The following C3orf20 variants were observed in gnomAD, a reference collection of about 807,000 sequenced individuals.
The protein encoded by C3orf20 is family with sequence similarity 149 member C.
Under a neutral mutation model 88.3 loss-of-function variants are expected in C3orf20, and 76 were observed. That is an observed-to-expected ratio of 0.86 (90% CI 0.72 to 1.04). The LOEUF (loss-of-function observed/expected upper bound fraction) is 1.04, where lower values mean the gene tolerates loss of function less well. Among genes scored for constraint, C3orf20 ranks in the 50% least tolerant of loss-of-function variants. The pLI is 0.00. For missense variants in C3orf20, 1,056 were observed against 1,123.3 expected, an observed-to-expected ratio of 0.94 and a Z score of 0.86; for synonymous variants, 436 against 437.4, an observed-to-expected ratio of 1.00 and a Z score of 0.04.
intron 15 of C3orf20, chr3:14,767,523 G>A (rs1467651601): frequency 6.6e-6 from 1 of 152,178 alleles, no homozygotes; most frequent in Non-Finnish European, 1.5e-5. Flanking sequence ...ATTCTCAGAG[G>A]AGTGAGTTGA....
At chr3:14,749,290 G>T (rs1302013670) in intron 12 of C3orf20, among the ~76,000 whole-genome samples, 1 of 151,688 alleles carries the variant, frequency 6.6e-6, no homozygotes, top group Non-Finnish European at 1.5e-5. Context: ...TTTCCTTTAG[G>T]TTATTATTTG....
At chr3:14,720,167 C>A (rs1032651771) in intron 9 of C3orf20, among the ~76,000 whole-genome samples, 4 of 152,056 alleles carry the variant, frequency 2.6e-5, no homozygotes, top group African/African-American at 7.2e-5. Flanking sequence ...GTAGCTGGGA[C>A]TACAGGTGTC....
At chr3:14,716,859 G>A (rs2033961743) in intron 9 of C3orf20, among the ~76,000 whole-genome samples, 1 of 152,196 alleles carries the variant, frequency 6.6e-6, no homozygotes, top group South Asian at 2.1e-4. Flanking sequence ...GACTCAGTTG[G>A]TATGTTAGGA....
In C3orf20 at chr3:14,704,456, C is replaced by T. The variant is rs778553841; in HGVS notation, c.998C>T (p.Pro333Leu). The T allele has an allele frequency of 1.4e-5, 23 of 1,614,032 alleles. No homozygotes were observed. Among genetic ancestry groups the T allele is most frequent in the East Asian group, 6.7e-5 (3 of 44,894 alleles). The change falls in exon 7 of 17, where the codon CCG becomes CTG. Residue 333 changes from proline to leucine, a missense_variant. Coordinates refer to ENST00000253697, the MANE Select transcript of C3orf20 (RefSeq NM_032137.5). ...MLARKGDSQT[P>L]GLHYPPTAGA... ...GCCCGCAAAGGAGACTCTCAGACCC[C>T]GGGTTTACATTACCCTCCCACTGCA...
At chr3:14,730,634 A>G (rs1249310990) in intron 12 of C3orf20, among the ~76,000 whole-genome samples, 5 of 152,230 alleles carry the variant, frequency 3.3e-5, no homozygotes, top group Non-Finnish European at 7.3e-5. Context: ...TTTAGGTAGT[A>G]GCAAACTGTG....
At position 14,757,617 on chromosome 3, in the gene C3orf20, G is replaced by A. The variant is rs2035416533; in HGVS notation, c.2187G>A (p.Trp729Ter). 2 of 1,613,826 alleles carry A rather than the reference G, an allele frequency of 1.2e-6. No individual in the cohort carries two copies. The highest frequency in any genetic ancestry group is 1.1e-5 in the South Asian group (1 of 91,074). The part of the protein sequence containing the change: ...QNYTSTGQLQ[W>*]LLNTLYNHQQ... The stretch of plus-strand genomic sequence containing the variant: ...ACACCAGCACTGGGCAGCTCCAGTG[G>A]CTGCTGAACACTCTCTACAACCACC... The change falls in exon 13 of 17, where the codon TGG becomes TGA. Residue 729 changes from tryptophan to a stop codon, truncating the protein, a stop_gained. Transcript: ENST00000253697. LOFTEE classifies it high-confidence loss of function.
At chr3:14,682,054 A>G (rs1262159089) in intron 1 of C3orf20, 116 bp from the exon 2 acceptor site, 1 of 152,190 alleles carries the variant, frequency 6.6e-6, no homozygotes, top group Non-Finnish European at 1.5e-5. Context: ...TTTTTTTCTT[A>G]TAAGATGGTG....
At chr3:14,771,171 G>A (rs906841424) in intron 15 of C3orf20, among the ~76,000 whole-genome samples, 1 of 152,216 alleles carries the variant, frequency 6.6e-6, no homozygotes, top group African/African-American at 2.4e-5. Flanking sequence ...CCCTTTCCCT[G>A]TGTGAAGTTA....
intron 15 of C3orf20, among the ~76,000 whole-genome samples, chr3:14,771,589 T>C (rs370166365): frequency 8.5e-5 from 13 of 152,364 alleles, no homozygotes; most frequent in African/African-American, 1.4e-4. Context: ...TATGTTGGAT[T>C]GGACCCACCC....
chr3:14,719,550 C>T lies in C3orf20; in HGVS notation c.1435-2103C>T, dbSNP rs1030795607. Among the ~76,000 whole-genome samples, 6 of 152,236 alleles carry T rather than the reference C, an allele frequency of 3.9e-5. No individual in the cohort carries two copies. In the East Asian group the frequency reaches 1.2e-3, roughly 29 times the overall value. ...TAGACATGTTTATTTGGTTCAGTGG[C>T]CATATCTCTCTGGGCTACTGTGACA... is the stretch of plus-strand genomic sequence containing the variant. On this transcript the variant is annotated intron_variant, in intron 9 of 16. Coordinates refer to ENST00000253697, the MANE Select transcript of C3orf20 (RefSeq NM_032137.5).
intron 12 of C3orf20, among the ~76,000 whole-genome samples, chr3:14,750,007 C>A (rs3038829): frequency 2.1e-5 from 3 of 142,620 alleles, no homozygotes; most frequent in South Asian, 2.3e-4. Context: ...AAAAAAAAAA[C>A]AAAAAAGTTA....
intron 11 of C3orf20, among the ~76,000 whole-genome samples, chr3:14,728,179 G>A (rs1298544299): frequency 6.6e-6 from 1 of 152,208 alleles, no homozygotes; most frequent in Non-Finnish European, 1.5e-5. Context: ...GAATGGAACA[G>A]GCCCTAGGTG....
chr3:14,711,424 T>C (rs573768139), intron 7 of C3orf20, among the ~76,000 whole-genome samples: 6 of 152,266 alleles, frequency 3.9e-5, no homozygotes, highest in Admixed American at 1.3e-4. Flanking sequence ...TCCTTCTTTG[T>C]CACTTGTAAA....
chr3:14,721,261 T>G (rs1310791584), intron 9 of C3orf20, among the ~76,000 whole-genome samples: 5 of 152,160 alleles, frequency 3.3e-5, no homozygotes, highest in Non-Finnish European at 7.3e-5. Flanking sequence ...AGAGTCATAG[T>G]CAGACCTTGT....
chr3:14,712,293 C>T (rs531733208), intron 7 of C3orf20, among the ~76,000 whole-genome samples: 1 of 152,146 alleles, frequency 6.6e-6, no homozygotes, highest in South Asian at 2.1e-4. Context: ...AGATTTCTGG[C>T]AACCACCAGA....
Position 14,704,271 on chromosome 3 carries a change from G to A in C3orf20, c.879-66G>A, listed in dbSNP as rs546912466. 3.0e-5 allele frequency: 47 copies of A among 1,547,704 alleles called. 1 individual carries two copies. The South Asian group carries it at 4.5e-4, about 15-fold the overall frequency. ...GGGTCTTGGGCACTAAGGAGGGGCTGTAGAGAGCATCCCTGGTGCTTGAGA... is the reference window on the plus strand; with the variant it reads ...GGGTCTTGGGCACTAAGGAGGGGCTATAGAGAGCATCCCTGGTGCTTGAGA... On this transcript the variant is annotated intron_variant, in intron 6 of 16. Transcript: ENST00000253697.
intron 12 of C3orf20, among the ~76,000 whole-genome samples, chr3:14,729,501 A>C (rs1262992656): frequency 6.6e-6 from 1 of 152,100 alleles, no homozygotes; most frequent in African/African-American, 2.4e-5. Flanking sequence ...TGTAGCCTTG[A>C]TAGTGTTATG....
At chr3:14,717,972 C>T (rs1354657931) in intron 9 of C3orf20, among the ~76,000 whole-genome samples, 1 of 152,044 alleles carries the variant, frequency 6.6e-6, no homozygotes, top group East Asian at 1.9e-4. Context: ...AAGATTTTCT[C>T]TTTTCTTTGG....
chr3:14,697,142 C>G (rs1445538921), intron 5 of C3orf20, among the ~76,000 whole-genome samples: 1 of 152,044 alleles, frequency 6.6e-6, no homozygotes, highest in Non-Finnish European at 1.5e-5. Context: ...TTATTAAATG[C>G]CTTAAAGTAG....
Sources: allele counts gnomAD v4.1 joint callset (sites outside exome capture counted in the v4.1 genomes callset), GRCh38; gene constraint gnomAD v4.1.1; transcripts MANE v1.5; gene names NCBI Gene and HGNC (gene_info 2026-07-23, HGNC 2026-07-21).